The following LMCD1 variants were observed in gnomAD, a reference collection of about 807,000 sequenced individuals.
The protein encoded by LMCD1 is LIM and cysteine rich domains 1, also known as LIM and cysteine-rich domains protein 1.
Under a neutral mutation model 42.7 loss-of-function variants are expected in LMCD1, and 32 were observed. The observed-to-expected ratio is 0.75, with a 90% CI of 0.57 to 1.01. LMCD1 has a LOEUF of 1.01. Among genes scored for constraint, LMCD1 ranks in the 50% least tolerant of loss-of-function variants. The pLI is 0.00. For missense variants in LMCD1, 458 were observed against 483.1 expected (o/e 0.95, Z 0.49); for synonymous variants, 178 against 184.9 (o/e 0.96, Z 0.30).
chr3:8,548,765 C>T lies in LMCD1; in HGVS notation c.585C>T (p.Gly195=), dbSNP rs745352537. The T allele has an allele frequency of 7.0e-5, 113 of 1,612,852 alleles. No homozygotes were observed. In the Admixed American group the frequency reaches 1.2e-3, roughly 18 times the overall value. The change falls in exon 4 of 6, where the codon GGC becomes GGT. Residue 195 remains glycine (G), a synonymous_variant. Transcript: ENST00000157600. ...AGCAATATAAGAGCGAGGCCCTCGG[C>T]GTGGGAGAAGTGGCCCTCCCGGGGC... is the stretch of plus-strand genomic sequence containing the variant. ...FVKQYKSEAL[G]VGEVALPGQG...
intron 1 of LMCD1, among the ~76,000 whole-genome samples, chr3:8,502,284 A>T: frequency 1.7e-5 from 1 of 59,486 alleles, no homozygotes; most frequent in African/African-American, 7.0e-5. Flanking sequence ...TATAAAATAT[A>T]TATAATATAT....
At chr3:8,524,246 T>G (rs1236660143) in intron 1 of LMCD1, among the ~76,000 whole-genome samples, 1 of 151,662 alleles carries the variant, frequency 6.6e-6, no homozygotes, top group South Asian at 2.1e-4. Flanking sequence ...TTGCAACCAT[T>G]TGGGTGTTGC....
intron 4 of LMCD1, among the ~76,000 whole-genome samples, chr3:8,556,814 C>T (rs1694939587): frequency 6.6e-6 from 1 of 152,206 alleles, no homozygotes; most frequent in East Asian, 1.9e-4. Context: ...GAAGCCTTTC[C>T]ATCTCCCTCA....
chr3:8,518,346 C>G (rs764551479), intron 1 of LMCD1, among the ~76,000 whole-genome samples: 145 of 152,204 alleles, frequency 9.5e-4, no homozygotes, highest in Non-Finnish European at 1.8e-3. Flanking sequence ...AAGCCTGCAG[C>G]AGAGTTTTTC....
intron 4 of LMCD1, chr3:8,550,126 G>T: frequency 7.2e-7 from 1 of 1,384,834 alleles, no homozygotes; most frequent in East Asian, 2.8e-5. Context: ...GAAAGGAGAA[G>T]CCAGAGTTGG....
chr3:8,504,441 G>A (rs1309414953), intron 1 of LMCD1, among the ~76,000 whole-genome samples: 4 of 152,224 alleles, frequency 2.6e-5, no homozygotes, highest in Admixed American at 2.6e-4. Context: ...AATGAGAAAT[G>A]GTTTAAAATG....
chr3:8,514,544 A>C (rs1242574672), intron 1 of LMCD1, among the ~76,000 whole-genome samples: 1 of 152,196 alleles, frequency 6.6e-6, no homozygotes, highest in Non-Finnish European at 1.5e-5. Context: ...AGATATTCAC[A>C]AAAAAATTTT....
At chr3:8,507,615 C>A (rs572969203) in intron 1 of LMCD1, among the ~76,000 whole-genome samples, 1 of 152,332 alleles carries the variant, frequency 6.6e-6, no homozygotes, top group Non-Finnish European at 1.5e-5. Flanking sequence ...AAAGACATCT[C>A]TAAGGGTCCG....
At chr3:8,566,632 A>G (rs957244388) in intron 5 of LMCD1, among the ~76,000 whole-genome samples, 7 of 152,250 alleles carry the variant, frequency 4.6e-5, no homozygotes, top group African/African-American at 1.7e-4. Context: ...TACATACTTT[A>G]CGTACAACAT....
At chr3:8,520,521 A>AG (rs1362998293) in intron 1 of LMCD1, among the ~76,000 whole-genome samples, 3 of 152,196 alleles carry the variant, frequency 2.0e-5, no homozygotes, top group Admixed American at 2.0e-4. Flanking sequence ...GGGTCCCCAC[A>AG]GGGACCTTAT....
chr3:8,526,443 A>G (rs936825377), intron 1 of LMCD1, among the ~76,000 whole-genome samples: 7 of 152,194 alleles, frequency 4.6e-5, no homozygotes, highest in African/African-American at 1.4e-4. Flanking sequence ...TCTGGTTTTC[A>G]TACTAAAAAG....
chr3:8,513,608 G>T (rs1172329616), intron 1 of LMCD1, among the ~76,000 whole-genome samples: 1 of 151,554 alleles, frequency 6.6e-6, no homozygotes, highest in Admixed American at 6.6e-5. Flanking sequence ...GACTTTCAAA[G>T]AAAAAAGGGA....
chr3:8,547,699 C>T (rs61268825), intron 3 of LMCD1, among the ~76,000 whole-genome samples: 17,006 of 151,784 alleles, frequency 0.11, 1,107 homozygotes, highest in South Asian at 0.22. Flanking sequence ...AAGACCATCC[C>T]GGCTAACACG....
At chr3:8,532,960 G>A in intron 2 of LMCD1, 135 bp downstream of exon 2, 1 of 732,434 alleles carries the variant, frequency 1.4e-6, no homozygotes, top group Non-Finnish European at 2.4e-6. Flanking sequence ...CAGAGGGAAG[G>A]CACTCCTGCT....
At position 8,543,682 on chromosome 3, in the gene LMCD1, T is replaced by C. The variant is rs149178977; in HGVS notation, c.388-4886T>C. Among the ~76,000 whole-genome samples, 435 of 152,312 alleles carry C rather than the reference T, an allele frequency of 2.9e-3. 1 individual carries two copies. Among genetic ancestry groups the C allele is most frequent in the African/African-American group, 0.01 (419 of 41,558 alleles). On this transcript the variant is annotated intron_variant, in intron 3 of 5. Coordinates refer to ENST00000157600, the MANE Select transcript of LMCD1 (RefSeq NM_014583.4). ...GTATTTTGTAGAGATGAGGTCTCTC[T>C]GTTTCCCAGGTTGGCTTCAAGCAAT... is the stretch of plus-strand genomic sequence containing the variant.
chr3:8,550,180 C>A (rs1325783906), intron 4 of LMCD1: 1 of 1,282,496 alleles, frequency 7.8e-7, no homozygotes, highest in East Asian at 3.8e-5. Flanking sequence ...AACTGCCCCA[C>A]AGAAGGCGAA....
At chr3:8,527,274 G>C (rs1694318523) in intron 1 of LMCD1, among the ~76,000 whole-genome samples, 1 of 152,138 alleles carries the variant, frequency 6.6e-6, no homozygotes, top group South Asian at 2.1e-4. Flanking sequence ...GGTAGATTTA[G>C]GATACCCCAC....
chr3:8,552,413 C>A (rs1694856878), intron 4 of LMCD1, among the ~76,000 whole-genome samples: 1 of 152,198 alleles, frequency 6.6e-6, no homozygotes, highest in South Asian at 2.1e-4. Flanking sequence ...TACAGCAGAA[C>A]TTCTCAGAGC....
intron 3 of LMCD1, among the ~76,000 whole-genome samples, chr3:8,542,870 G>T (rs565146025): frequency 1.1e-4 from 16 of 152,328 alleles, no homozygotes; most frequent in Middle Eastern, 3.4e-3. Flanking sequence ...GGGTTAACGT[G>T]TGTGAAGCAC....
Sources: allele counts gnomAD v4.1 joint callset (sites outside exome capture counted in the v4.1 genomes callset), GRCh38; gene constraint gnomAD v4.1.1; transcripts MANE v1.5; gene names NCBI Gene and HGNC (gene_info 2026-07-23, HGNC 2026-07-21).